STIM1: variants seen among roughly 807,000 people sequenced by gnomAD.
STIM1 encodes stromal interaction molecule 1.
In STIM1, 25 loss-of-function variants were observed where a neutral mutation model predicts 74.7. The observed-to-expected ratio is 0.33, with a 90% confidence interval of 0.24 to 0.47. The LOEUF (loss-of-function observed/expected upper bound fraction) is 0.47. STIM1 is among the 20% of genes least tolerant of loss of function. The probability of loss-of-function intolerance (pLI) is 1.00; values close to 1 mark genes in which losing one functional copy is unlikely to be tolerated. For missense variants in STIM1, 728 were observed against 920.8 expected (o/e 0.79, Z 2.71); for synonymous variants, 328 against 348.8 (o/e 0.94, Z 0.66).
intron 1 of STIM1, among the ~76,000 whole-genome samples, chr11:3,871,361 A>T (rs1421780154): frequency 6.6e-6 from 1 of 152,112 alleles, no homozygotes; most frequent in East Asian, 1.9e-4. Flanking sequence ...TGCTGATCAG[A>T]GTGCTTGGAG....
At chr11:3,918,589 T>G (rs970190843) in intron 1 of STIM1, among the ~76,000 whole-genome samples, 1 of 151,950 alleles carries the variant, frequency 6.6e-6, no homozygotes, top group Non-Finnish European at 1.5e-5. Context: ...AATACCTCTC[T>G]TTCCTGATGG....
intron 2 of STIM1, among the ~76,000 whole-genome samples, chr11:3,971,424 G>C (rs1046558097): frequency 2.6e-5 from 4 of 152,126 alleles, no homozygotes; most frequent in African/African-American, 9.7e-5. Flanking sequence ...AGCTACTCTG[G>C]AGGCTGAGGC....
At chr11:4,046,598 T>C (rs2094195568) in intron 3 of STIM1, among the ~76,000 whole-genome samples, 1 of 152,194 alleles carries the variant, frequency 6.6e-6, no homozygotes, top group Non-Finnish European at 1.5e-5. Context: ...TCTCCCTGAT[T>C]ATCTGCTTTG....
chr11:3,924,359 C>T (rs1033182937), intron 1 of STIM1, among the ~76,000 whole-genome samples: 20 of 151,824 alleles, frequency 1.3e-4, no homozygotes, highest in African/African-American at 3.9e-4. Flanking sequence ...CCACCACGCC[C>T]GGCTAATTTT....
chr11:4,040,751 C>T (rs544676577), intron 3 of STIM1, among the ~76,000 whole-genome samples: 9 of 152,368 alleles, frequency 5.9e-5, no homozygotes, highest in African/African-American at 2.2e-4. Context: ...CCTAGGTTCT[C>T]TTACTACTCT....
Position 4,074,532 on chromosome 11 carries a change from A to C in STIM1, c.822A>C (p.Thr274=). 6.2e-7 allele frequency: 1 copy of C among 1,614,076 alleles called. No homozygotes were observed. Among genetic ancestry groups the C allele is most frequent in the African/African-American group, 1.3e-5 (1 of 75,054 alleles). Residue 274 remains threonine, a synonymous_variant, in exon 7 of 13, where the codon ACA becomes ACC. Coordinates refer to ENST00000526596, the MANE Select transcript of STIM1 (RefSeq NM_001382567.1). ...RLHKAQEEHR[T]VEVEKVHLEK... is the part of the protein sequence containing the mutation. The stretch of plus-strand genomic sequence containing the variant: ...ACAAGGCCCAGGAGGAGCACCGCAC[A>C]GTGGAGGTGGAGAAGGTCCATCTGG...
At chr11:3,876,112 C>G (rs2091299708) in intron 1 of STIM1, among the ~76,000 whole-genome samples, 1 of 150,222 alleles carries the variant, frequency 6.7e-6, no homozygotes, top group South Asian at 2.1e-4. Context: ...GGAATAATAC[C>G]TATCTTGTTT....
chr11:3,994,463 CT>C (rs56255114), intron 2 of STIM1, among the ~76,000 whole-genome samples: 167 of 134,342 alleles, frequency 1.2e-3, no homozygotes, highest in Admixed American at 1.5e-3. Flanking sequence ...CTTTTTCTTT[CT>C]TTTTTTTTTT....
At chr11:4,021,989 C>G (rs2093959645) in intron 2 of STIM1, among the ~76,000 whole-genome samples, 1 of 151,248 alleles carries the variant, frequency 6.6e-6, no homozygotes. Flanking sequence ...GATTTGTTTA[C>G]TAGCTCTAAC....
intron 3 of STIM1, among the ~76,000 whole-genome samples, chr11:4,045,423 T>A (rs1330205492): frequency 6.6e-6 from 1 of 152,050 alleles, no homozygotes; most frequent in Non-Finnish European, 1.5e-5. Flanking sequence ...TCAGGAATAA[T>A]ACGTTCTAGT....
intron 1 of STIM1, among the ~76,000 whole-genome samples, chr11:3,961,787 C>T (rs137963044): frequency 0.046 from 7,058 of 152,000 alleles, 524 homozygotes; most frequent in African/African-American, 0.16. Flanking sequence ...GGATTACAGG[C>T]GTGAGCCACT....
rs760406748 is a variant in STIM1 at position 4,074,527 on chromosome 11, C to T, written c.817C>T (p.Arg273Cys). Residue 273 changes from arginine (R) to cysteine (C), a missense_variant, in exon 7 of 13, where the codon CGC becomes TGC. Physicochemically the swap from Arg to Cys is radical, Grantham distance 180. Around this residue, in one of 5 missense-constraint regions of STIM1, gnomAD observed 131 missense variants for 235.9 expected, o/e 0.56. Transcript: ENST00000526596. ...ERLHKAQEEH[R>C]TVEVEKVHLE... ...GCTGCACAAGGCCCAGGAGGAGCAC[C>T]GCACAGTGGAGGTGGAGAAGGTCCA... 4 of 1,613,956 alleles carry T rather than the reference C, an allele frequency of 2.5e-6. No homozygotes were observed. Among genetic ancestry groups the T allele is most frequent in the Non-Finnish European group, 3.4e-6 (4 of 1,180,010 alleles).
intron 1 of STIM1, among the ~76,000 whole-genome samples, chr11:3,897,229 C>T (rs1048040000): frequency 6.6e-6 from 1 of 152,100 alleles, no homozygotes; most frequent in African/African-American, 2.4e-5. Flanking sequence ...GGCTTGAGTT[C>T]CATAAAGCCA....
At chr11:4,001,800 TAA>T (rs1397514781) in intron 2 of STIM1, among the ~76,000 whole-genome samples, 1 of 146,504 alleles carries the variant, frequency 6.8e-6, no homozygotes, top group Non-Finnish European at 1.5e-5. Flanking sequence ...GCAAATTGGA[TAA>T]AGAGTCAAGA....
At chr11:3,856,816 G>A (rs1250300003) in intron 1 of STIM1, among the ~76,000 whole-genome samples, 1 of 152,178 alleles carries the variant, frequency 6.6e-6, no homozygotes, top group African/African-American at 2.4e-5. Flanking sequence ...TGTTGGAAAG[G>A]GAAAGTTAAG....
Position 3,856,207 on chromosome 11 carries a change from C to T in STIM1, c.-64C>T. 6.2e-7 allele frequency: 1 copy of T among 1,610,310 alleles called. No homozygotes were observed. On this transcript the variant is annotated 5_prime_UTR_variant, in exon 1 of 13. Coordinates refer to ENST00000526596, the MANE Select transcript of STIM1 (RefSeq NM_001382567.1). ...GACCGTCGGCTGCACTCCCGGGCTC[C>T]TGGCTTTGCCTCTGGGATCCCGAGG...
chr11:4,009,088 G>A (rs2093810016), intron 2 of STIM1, among the ~76,000 whole-genome samples: 2 of 146,474 alleles, frequency 1.4e-5, no homozygotes, highest in Admixed American at 6.9e-5. Context: ...TCAGGAGATC[G>A]AGACCATTCT....
chr11:4,018,475 A>AC (rs1424704196), intron 2 of STIM1, among the ~76,000 whole-genome samples: 2 of 144,752 alleles, frequency 1.4e-5, no homozygotes, highest in Non-Finnish European at 3.0e-5. Flanking sequence ...AAAAAAAAAA[A>AC]AAAAAAAAAA....
intron 12 of STIM1, chr11:4,089,086 T>C: frequency 3.5e-6 from 1 of 286,274 alleles, no homozygotes; most frequent in South Asian, 3.7e-5. Context: ...AAATCAAAAA[T>C]TTAGTTGGGC....
Sources: gnomAD v4.1 joint callset for allele counts (sites outside exome capture counted in the v4.1 genomes callset) on GRCh38, gnomAD v4.1.1 for gene constraint, gnomAD v4.1.1 regional missense constraint, MANE v1.5 for transcripts, NCBI Gene and HGNC (gene_info 2026-07-23, HGNC 2026-07-21) for gene names.